Variants in PAPPA observed in about 807,000 individuals in gnomAD.
PAPPA encodes the protein pappalysin-1.
Under a neutral mutation model 164.0 loss-of-function variants are expected in PAPPA, and 60 were observed. That is an observed-to-expected ratio of 0.37 (90% CI 0.30 to 0.45). The LOEUF (loss-of-function observed/expected upper bound fraction) is 0.45, where lower values mean the gene tolerates loss of function less well. Among genes scored for constraint, PAPPA ranks in the 20% least tolerant of loss-of-function variants. PAPPA has a pLI of 1.00. For synonymous variants in PAPPA, 875 were observed against 814.1 expected (o/e 1.07, Z -1.27); for missense variants, 1,782 against 2,087.3 (o/e 0.85, Z 2.85).
chr9:116,249,487 A>C (rs1163599270), intron 7 of PAPPA, among the ~76,000 whole-genome samples: 1 of 152,166 alleles, frequency 6.6e-6, no homozygotes, highest in Non-Finnish European at 1.5e-5. Context: ...AGTGTCTGTA[A>C]GGTAAGAGAA....
chr9:116,256,217 A>G (rs563894855), intron 7 of PAPPA, among the ~76,000 whole-genome samples: 5 of 152,124 alleles, frequency 3.3e-5, no homozygotes, highest in African/African-American at 1.2e-4. Context: ...CTTTTTACTA[A>G]ATTTTGACTT....
intron 15 of PAPPA, among the ~76,000 whole-genome samples, chr9:116,350,611 T>G (rs1308130718): frequency 6.6e-6 from 1 of 152,208 alleles, no homozygotes; most frequent in East Asian, 1.9e-4. Flanking sequence ...ACAATGTACT[T>G]TTTAAGAGTC....
At chr9:116,206,494 A>T (rs747580911) in intron 2 of PAPPA, among the ~76,000 whole-genome samples, 6 of 152,142 alleles carry the variant, frequency 3.9e-5, no homozygotes, top group Non-Finnish European at 7.4e-5. Flanking sequence ...TGAATTTGAG[A>T]CTGAGAGTTA....
At chr9:116,226,655 C>T (rs1844514406) in intron 5 of PAPPA, among the ~76,000 whole-genome samples, 1 of 152,210 alleles carries the variant, frequency 6.6e-6, no homozygotes, top group African/African-American at 2.4e-5. Flanking sequence ...TTCTCCACAA[C>T]TGCCTCATAA....
chr9:116,336,962 C>A (rs189129187), intron 13 of PAPPA, among the ~76,000 whole-genome samples: 9 of 152,256 alleles, frequency 5.9e-5, no homozygotes, highest in Admixed American at 2.6e-4. Context: ...TATTATTGCA[C>A]CTCTTGAATA....
chr9:116,385,120 G>C (rs547512904), intron 21 of PAPPA, among the ~76,000 whole-genome samples: 8 of 151,948 alleles, frequency 5.3e-5, no homozygotes, highest in Non-Finnish European at 1.0e-4. Flanking sequence ...TGTAATCCCA[G>C]CTGCTTGGGA....
At chr9:116,386,439 C>T (rs971684892) in intron 21 of PAPPA, among the ~76,000 whole-genome samples, 1 of 152,180 alleles carries the variant, frequency 6.6e-6, no homozygotes, top group Admixed American at 6.5e-5. Flanking sequence ...AGACACTCTG[C>T]GAGACACTTG....
At position 116,396,704 on chromosome 9, in the gene PAPPA, G is replaced by A; in HGVS notation, c.*88G>A. On this transcript the variant is annotated 3_prime_UTR_variant, in exon 22 of 22. Transcript: ENST00000328252. ...TTCACAGTCAGCTGCTCAACGGAAT[G>A]GCCTCTCCACACCAGGGATCCTTAG... 1 of 716,444 alleles carries A rather than the reference G, an allele frequency of 1.4e-6. No individual in the cohort carries two copies. Among genetic ancestry groups the A allele is most frequent in the South Asian group, 1.5e-5 (1 of 64,604 alleles). 44.4% of individuals were successfully genotyped at this position (716,444 alleles called of 1,614,324 possible).
At position 116,169,310 on chromosome 9, in the gene PAPPA, CTTTTTTTTTTTTT is replaced by C. The variant is rs563871496; in HGVS notation, c.415+14738_415+14750del. On this transcript the variant is annotated intron_variant, in intron 1 of 21. Transcript: ENST00000328252. Reference sequence around the variant, plus strand: ...GTCCTTCGGCCTCTCCAAACCCATTCTTTTTTTTTTTTTTTTTTTTTTTTTTTGAGATGGAGTC... The same window carrying C: ...GTCCTTCGGCCTCTCCAAACCCATTCTTTTTTTTTTTTTTGAGATGGAGTC... 2.5e-4 allele frequency among the ~76,000 whole-genome samples: 13 copies of C among 52,152 alleles called. 1 individual carries two copies. Among genetic ancestry groups the C allele is most frequent in the African/African-American group, 5.8e-4 (8 of 13,728 alleles). 34.2% of individuals were successfully genotyped at this position (52,152 alleles called of 152,430 possible).
intron 5 of PAPPA, among the ~76,000 whole-genome samples, chr9:116,223,841 G>A (rs1212782931): frequency 6.6e-6 from 1 of 152,148 alleles, no homozygotes; most frequent in Non-Finnish European, 1.5e-5. Flanking sequence ...GGGACCTTGA[G>A]CAAAGCCATC....
intron 2 of PAPPA, among the ~76,000 whole-genome samples, chr9:116,197,810 G>T (rs936261788): frequency 8.5e-5 from 13 of 152,186 alleles, no homozygotes; most frequent in African/African-American, 2.9e-4. Context: ...ATTTGTATGG[G>T]ACTATGGTCC....
intron 18 of PAPPA, among the ~76,000 whole-genome samples, chr9:116,364,518 CACAT>C (rs1444114061): frequency 1.3e-5 from 2 of 152,174 alleles, no homozygotes; most frequent in African/African-American, 2.4e-5. Context: ...CTCTCACAAA[CACAT>C]ACACACACAG....
intron 19 of PAPPA, among the ~76,000 whole-genome samples, chr9:116,374,527 T>C (rs915680173): frequency 1.3e-5 from 2 of 152,054 alleles, no homozygotes; most frequent in African/African-American, 2.4e-5. Flanking sequence ...CCCTGAGTAA[T>C]AGTGGAAAAT....
chr9:116,254,713 C>T (rs1299386899), intron 7 of PAPPA, among the ~76,000 whole-genome samples: 3 of 141,928 alleles, frequency 2.1e-5, no homozygotes, highest in East Asian at 2.3e-4. Context: ...ACCTGGGAGG[C>T]GGAGCTTGCA....
At position 116,169,079 on chromosome 9, in the gene PAPPA, T is replaced by G. The variant is rs936670341; in HGVS notation, c.415+14492T>G. Among the ~76,000 whole-genome samples, 3 of 152,168 alleles carry G rather than the reference T, an allele frequency of 2.0e-5. No individual in the cohort carries two copies. In the South Asian group the frequency reaches 6.2e-4, roughly 32 times the overall value. On this transcript the variant is annotated intron_variant, in intron 1 of 21. Transcript: ENST00000328252. ...GAAGAAAAGGTGCTTTGAGAATTAA[T>G]AGCATAGGCCTTAGAAAGACCAAAG...
At chr9:116,363,643 C>T (rs1023624499) in intron 18 of PAPPA, among the ~76,000 whole-genome samples, 10 of 152,182 alleles carry the variant, frequency 6.6e-5, no homozygotes, top group African/African-American at 2.4e-4. Flanking sequence ...GCCTAGGGAA[C>T]TGAACATCCT....
chr9:116,387,011 C>G (rs1417865045), intron 21 of PAPPA, among the ~76,000 whole-genome samples: 1 of 152,132 alleles, frequency 6.6e-6, no homozygotes, highest in African/African-American at 2.4e-5. Context: ...TTAGGTCCCA[C>G]TTGTCCCCTC....
chr9:116,252,436 T>C (rs1313442853), intron 7 of PAPPA, among the ~76,000 whole-genome samples: 1 of 137,890 alleles, frequency 7.3e-6, no homozygotes, highest in African/African-American at 2.5e-5. Flanking sequence ...TTCCCAAAGA[T>C]TTTTTCTTGG....
At chr9:116,269,385 C>T (rs1485717027) in intron 8 of PAPPA, among the ~76,000 whole-genome samples, 1 of 152,168 alleles carries the variant, frequency 6.6e-6, no homozygotes, top group Non-Finnish European at 1.5e-5. Flanking sequence ...AAAGGAGTGG[C>T]TGCATGCTGT....
Sources: gnomAD v4.1 joint callset for allele counts (sites outside exome capture counted in the v4.1 genomes callset) on GRCh38, gnomAD v4.1.1 for gene constraint, MANE v1.5 for transcripts, NCBI Gene and HGNC (gene_info 2026-07-23, HGNC 2026-07-21) for gene names.